The following CDH13 variants were observed in gnomAD, a reference collection of about 807,000 sequenced individuals.
The protein encoded by CDH13 is cadherin 13, also known as cadherin-13.
CDH13 carries 24 observed loss-of-function variants against 63.8 expected under a neutral mutation model. That is an observed-to-expected ratio of 0.38 (90% confidence interval 0.27 to 0.53). The LOEUF (loss-of-function observed/expected upper bound fraction) is 0.53, where lower values mean the gene tolerates loss of function less well. Ranked by LOEUF, CDH13 falls within the 20% of genes least tolerant of loss-of-function variation. The probability of loss-of-function intolerance (pLI) is 0.85; values close to 1 mark genes in which losing one functional copy is unlikely to be tolerated. For synonymous variants in CDH13, 503 were observed against 355.3 expected (o/e 1.42, Z -4.67); for missense variants, 1,049 against 903.1 (o/e 1.16, Z -2.07).
At chr16:83,176,286 C>T (rs1597467874) in intron 4 of CDH13, among the ~76,000 whole-genome samples, 1 of 151,830 alleles carries the variant, frequency 6.6e-6, no homozygotes, top group Admixed American at 6.6e-5. Flanking sequence ...CTGAGGCAGG[C>T]AGACCACGAG....
intron 2 of CDH13, among the ~76,000 whole-genome samples, chr16:83,025,068 G>T (rs1436333756): frequency 1.3e-5 from 2 of 152,210 alleles, no homozygotes; most frequent in South Asian, 4.1e-4. Flanking sequence ...AGGAAGCTGT[G>T]TAGGAAAAGG....
chr16:82,645,441 G>T (rs185987499), intron 1 of CDH13, among the ~76,000 whole-genome samples: 1 of 152,018 alleles, frequency 6.6e-6, no homozygotes, highest in Admixed American at 6.6e-5. Context: ...TGTGACCCTC[G>T]GGACAGTTTG....
intron 5 of CDH13, among the ~76,000 whole-genome samples, chr16:83,263,299 C>T (rs1189014353): frequency 6.6e-6 from 1 of 152,244 alleles, no homozygotes; most frequent in Non-Finnish European, 1.5e-5. Context: ...TCTGCTTGCT[C>T]CTCAAACATT....
At chr16:83,724,930 T>A (rs1292253126) in intron 10 of CDH13, among the ~76,000 whole-genome samples, 1 of 152,170 alleles carries the variant, frequency 6.6e-6, no homozygotes, top group Admixed American at 6.5e-5. Flanking sequence ...GACTCCCTTA[T>A]TGGTGTCCTC....
chr16:82,979,886 T>A (rs1910031465), intron 2 of CDH13, among the ~76,000 whole-genome samples: 1 of 152,128 alleles, frequency 6.6e-6, no homozygotes, highest in Admixed American at 6.5e-5. Context: ...TGGAGACCAT[T>A]TTAGGAAATC....
At chr16:82,748,660 G>C (rs1271468559) in intron 1 of CDH13, among the ~76,000 whole-genome samples, 2 of 152,160 alleles carry the variant, frequency 1.3e-5, no homozygotes, top group Admixed American at 1.3e-4. Flanking sequence ...TTGTAAGGTA[G>C]TAAGGCATGT....
In CDH13 at chr16:83,308,178, A is replaced by G. The variant is rs8056778; in HGVS notation, c.637-36684A>G. 3.5e-3 allele frequency among the ~76,000 whole-genome samples: 529 copies of G among 152,310 alleles called. 2 individuals are homozygous for G. Among genetic ancestry groups the G allele is most frequent in the African/African-American group, 0.012 (501 of 41,558 alleles). On this transcript the variant is annotated intron_variant, in intron 5 of 13. Coordinates refer to ENST00000567109, the MANE Select transcript of CDH13 (RefSeq NM_001257.5). ...AATATATTTTTTTTGTTGTTCTAAC[A>G]AAGAAAACCTCCAGCTTTTATAATA...
chr16:83,165,719 T>G (rs1412404099), intron 4 of CDH13, among the ~76,000 whole-genome samples: 2 of 152,052 alleles, frequency 1.3e-5, no homozygotes. Flanking sequence ...CAAGATGGCT[T>G]AAAAATACAC....
At chr16:82,832,939 A>T (rs2151117041) in intron 1 of CDH13, among the ~76,000 whole-genome samples, 1 of 152,270 alleles carries the variant, frequency 6.6e-6, no homozygotes, top group Non-Finnish European at 1.5e-5. Flanking sequence ...GAGGATTCTG[A>T]TGTTGGATCC....
intron 3 of CDH13, among the ~76,000 whole-genome samples, chr16:83,087,470 C>G (rs150168818): frequency 6.6e-6 from 1 of 152,110 alleles, no homozygotes; most frequent in East Asian, 1.9e-4. Context: ...GAGTTCGAGA[C>G]CAGCCTACCC....
intron 7 of CDH13, among the ~76,000 whole-genome samples, chr16:83,521,756 C>T (rs184584534): frequency 6.6e-6 from 1 of 152,206 alleles, no homozygotes; most frequent in Non-Finnish European, 1.5e-5. Context: ...TGCATGGAAC[C>T]AGCCCTGGCT....
intron 6 of CDH13, among the ~76,000 whole-genome samples, chr16:83,425,002 T>C (rs1368807592): frequency 1.3e-5 from 2 of 152,228 alleles, no homozygotes; most frequent in Non-Finnish European, 2.9e-5. Flanking sequence ...GCCATAGTAA[T>C]GGGAAATTAA....
intron 2 of CDH13, among the ~76,000 whole-genome samples, chr16:82,902,807 A>T (rs1194737565): frequency 1.3e-5 from 2 of 152,164 alleles, no homozygotes; most frequent in Non-Finnish European, 2.9e-5. Context: ...AAAAGCCAGA[A>T]GATGTCTGCC....
intron 7 of CDH13, among the ~76,000 whole-genome samples, chr16:83,582,451 T>C (rs757849049): frequency 1.4e-4 from 22 of 152,196 alleles, no homozygotes; most frequent in Non-Finnish European, 2.6e-4. Flanking sequence ...TTTAAGGTAC[T>C]GCCTTGTTAT....
At chr16:83,061,896 T>G (rs1472855381) in intron 3 of CDH13, among the ~76,000 whole-genome samples, 1 of 152,120 alleles carries the variant, frequency 6.6e-6, no homozygotes, top group Non-Finnish European at 1.5e-5. Context: ...GTCACAATAG[T>G]CCAGGAGATG....
At chr16:83,136,471 G>C (rs113414360) in intron 4 of CDH13, among the ~76,000 whole-genome samples, 24,136 of 146,300 alleles carry the variant, frequency 0.16, 2,139 homozygotes, top group South Asian at 0.24. Context: ...GGGCGACAGA[G>C]CGGGACTCTG....
chr16:82,774,984 C>G (rs529170486), intron 1 of CDH13, among the ~76,000 whole-genome samples: 1 of 152,132 alleles, frequency 6.6e-6, no homozygotes, highest in African/African-American at 2.4e-5. Context: ...ACCTGCAGCC[C>G]AGGAGCAAGA....
In CDH13 at chr16:83,164,292, C is replaced by T. The variant is rs1025294503; in HGVS notation, c.483+38791C>T. ...AGATTCAATGTCTGGTCTGAGGCCA[C>T]ACATCACACACCACACACTACATAC... On this transcript the variant is annotated intron_variant, in intron 4 of 13. Coordinates refer to ENST00000567109, the MANE Select transcript of CDH13 (RefSeq NM_001257.5). Among the ~76,000 whole-genome samples, 8 of 151,972 alleles carry T rather than the reference C, an allele frequency of 5.3e-5. 1 individual carries two copies. The highest frequency in any genetic ancestry group is 8.8e-5 in the Non-Finnish European group (6 of 67,992).
chr16:83,347,073 C>G (rs894132266), intron 6 of CDH13, among the ~76,000 whole-genome samples: 3 of 152,244 alleles, frequency 2.0e-5, no homozygotes, highest in Non-Finnish European at 2.9e-5. Context: ...GACTTTCAAA[C>G]AAAAAGCCAC....
Sources: allele counts gnomAD v4.1 joint callset (sites outside exome capture counted in the v4.1 genomes callset), GRCh38; gene constraint gnomAD v4.1.1; transcripts MANE v1.5; gene names NCBI Gene and HGNC (gene_info 2026-07-23, HGNC 2026-07-21).